TMLHE: variants seen among roughly 807,000 people sequenced by gnomAD.
TMLHE encodes the protein trimethyllysine dioxygenase, mitochondrial.
TMLHE carries 18 observed loss-of-function variants against 25.7 expected under a neutral mutation model. The ratio of observed to expected loss-of-function variants is 0.70; its 90% CI spans 0.48 to 1.04. TMLHE has a LOEUF of 1.04. TMLHE is among the 50% of genes least tolerant of loss of function. The pLI is 0.00. For synonymous variants in TMLHE, 105 were observed against 97.0 expected (o/e 1.08, Z -0.49); for missense variants, 236 against 259.0 (o/e 0.91, Z 0.61).
At chrX:155,534,248 G>T (rs2067265795) in intron 2 of TMLHE, among the ~76,000 whole-genome samples, 1 of 112,062 alleles carries the variant, frequency 8.9e-6, no homozygotes. Context: ...TCCCACCACA[G>T]GCCCAAGGGG....
chrX:155,569,414 G>T (rs12391554), intron 1 of TMLHE, among the ~76,000 whole-genome samples: 6,090 of 57,305 alleles, frequency 0.11, 1,682 homozygotes, highest in South Asian at 0.13. Context: ...ACATTCTGCA[G>T]GATATTATCC....
chrX:155,600,989 A>C (rs5940539), intron 1 of TMLHE, among the ~76,000 whole-genome samples: 60,589 of 110,580 alleles, frequency 0.55, 14,269 homozygotes, highest in Middle Eastern at 0.76. Context: ...CAACCAAAAA[A>C]ACTGAGTAAA....
chrX:155,594,089 A>G (rs1328150289), intron 1 of TMLHE, among the ~76,000 whole-genome samples: 2 of 112,010 alleles, frequency 1.8e-5, no homozygotes, highest in South Asian at 3.7e-4. Context: ...AAGGAAGCAT[A>G]CAGACCTGCA....
chrX:155,569,167 C>T (rs1603070429), intron 1 of TMLHE, among the ~76,000 whole-genome samples: 1 of 57,505 alleles, frequency 1.7e-5, no homozygotes, highest in South Asian at 9.8e-4. Context: ...AAAGCCAAGG[C>T]TCGAGAACTA....
intron 1 of TMLHE, among the ~76,000 whole-genome samples, chrX:155,546,592 T>G (rs5983720): frequency 1.4e-3 from 151 of 111,445 alleles, no homozygotes; most frequent in African/African-American, 4.8e-3. Context: ...CATGCTGATA[T>G]GGGATGAAAC....
intron 1 of TMLHE, among the ~76,000 whole-genome samples, chrX:155,610,914 C>A (rs2067815537): frequency 9.1e-6 from 1 of 110,357 alleles, no homozygotes; most frequent in Non-Finnish European, 1.9e-5. Context: ...GGATCAGCAT[C>A]CTGGCACAGA....
chrX:155,589,421 G>A (rs2067683225), intron 1 of TMLHE, among the ~76,000 whole-genome samples: 1 of 111,875 alleles, frequency 8.9e-6, no homozygotes, highest in African/African-American at 3.3e-5. Flanking sequence ...CTGCACTCCA[G>A]CCTGGGTGAC....
At position 155,603,245 on chromosome X, in the gene TMLHE, G is replaced by A. The variant is rs7881235; in HGVS notation, c.-2+9547C>T. On this transcript the variant is annotated intron_variant, in intron 1 of 7. Transcript: ENST00000334398. ...CTCAGGAGACTGAGGTGGGAGGATC[G>A]TTTGAGCCTGGGAGGTTGAGGATGC... 6.9e-3 allele frequency among the ~76,000 whole-genome samples: 769 copies of A among 111,173 alleles called. 6 individuals are homozygous for A. The highest frequency in any genetic ancestry group is 0.024 in the African/African-American group (730 of 30,540).
intron 1 of TMLHE, among the ~76,000 whole-genome samples, chrX:155,597,573 A>G (rs1294201310): frequency 8.9e-6 from 1 of 111,940 alleles, no homozygotes; most frequent in Non-Finnish European, 1.9e-5. Flanking sequence ...ACTATTCACA[A>G]TAGCAAGGAC....
At chrX:155,584,988 C>T (rs1289248771) in intron 1 of TMLHE, among the ~76,000 whole-genome samples, 1 of 111,350 alleles carries the variant, frequency 9.0e-6, no homozygotes, top group Non-Finnish European at 1.9e-5. Context: ...AGAGAATGGA[C>T]TCAAATGATA....
Position 155,568,535 on chromosome X carries a change from G to A in TMLHE, c.-1-23258C>T, listed in dbSNP as rs1222176146. On this transcript the variant is annotated intron_variant, in intron 1 of 7. Transcript: ENST00000334398. The stretch of plus-strand genomic sequence containing the variant: ...GAGAACAGGCAGACTGCCTCCTCAA[G>A]TGGGTCCCTGACCCCTGACCCCCGA... Among the ~76,000 whole-genome samples, 2 of 62,437 alleles carry A rather than the reference G, an allele frequency of 3.2e-5. 1 individual carries two copies. The highest frequency in any genetic ancestry group is 9.0e-5 in the Non-Finnish European group (2 of 22,251). The allele number at this position is 62,437 out of a possible 115,157, so 54.2% of individuals were successfully genotyped here. A position where few individuals can be genotyped will look rare whatever the true frequency, so the allele number is the denominator to read the frequency against.
intron 1 of TMLHE, among the ~76,000 whole-genome samples, chrX:155,573,830 T>G (rs2067572630): frequency 2.6e-5 from 1 of 39,189 alleles, no homozygotes; most frequent in Non-Finnish European, 4.3e-5. Context: ...CTGGGGACTG[T>G]TGTGGGGTGG....
rs12395420 is a variant in TMLHE, at chrX:155,569,178, C to T, written c.-1-23901G>A. Among the ~76,000 whole-genome samples, 164 of 55,615 alleles carry T rather than the reference C, an allele frequency of 2.9e-3. 23 individuals are homozygous for T. Among genetic ancestry groups the T allele is most frequent in the African/African-American group, 6.9e-3 (158 of 22,809 alleles). The allele number at this position is 55,615 out of a possible 115,157, so 48.3% of individuals were successfully genotyped here. A position where few individuals can be genotyped will look rare whatever the true frequency, so the allele number is the denominator to read the frequency against. On this transcript the variant is annotated intron_variant, in intron 1 of 7. Coordinates refer to ENST00000334398, the MANE Select transcript of TMLHE (RefSeq NM_018196.4). ...GCTGAAAGCCAAGGCTCGAGAACTA[C>T]GTGAAGAATGCAGAAGCCTCAGGAG... is the stretch of plus-strand genomic sequence containing the variant.
At position 155,543,615 on chromosome X, in the gene TMLHE, G is replaced by T. The variant is rs781932970; in HGVS notation, c.181+1481C>A. On this transcript the variant is annotated intron_variant, in intron 2 of 7. Coordinates refer to ENST00000334398, the MANE Select transcript of TMLHE (RefSeq NM_018196.4). ...TCTATACTATTCAAAGTGATCTACA[G>T]ATTCAATGCAGCTCCTGTCAAAATT... 7.1e-5 allele frequency among the ~76,000 whole-genome samples: 8 copies of T among 112,182 alleles called. No homozygotes were observed. In the South Asian group the frequency reaches 2.6e-3, roughly 36 times the overall value.
chrX:155,550,249 A>C (rs782541224), intron 1 of TMLHE, among the ~76,000 whole-genome samples: 3 of 110,665 alleles, frequency 2.7e-5, no homozygotes, highest in South Asian at 7.6e-4. Flanking sequence ...TTTTATTGTA[A>C]TATGCATATA....
intron 1 of TMLHE, among the ~76,000 whole-genome samples, chrX:155,545,645 G>A (rs868984645): frequency 1.8e-5 from 2 of 111,853 alleles, no homozygotes; most frequent in African/African-American, 6.5e-5. Context: ...TAATGGAGCC[G>A]AAAAATCCTA....
intron 1 of TMLHE, among the ~76,000 whole-genome samples, chrX:155,575,291 A>G (rs1036429118): frequency 1.8e-5 from 2 of 112,176 alleles, no homozygotes; most frequent in Non-Finnish European, 3.8e-5. Flanking sequence ...TAAAGACCTT[A>G]TCTTCAAATA....
chrX:155,605,554 TCATTAC>T (rs1188221687), intron 1 of TMLHE, among the ~76,000 whole-genome samples: 1 of 111,775 alleles, frequency 8.9e-6, no homozygotes, highest in Non-Finnish European at 1.9e-5. Flanking sequence ...CTAAGGGAAT[TCATTAC>T]CATCAGGCCT....
intron 6 of TMLHE, 88 bp downstream of exon 6, chrX:155,506,810 G>T: frequency 2.8e-6 from 2 of 722,202 alleles, no homozygotes; most frequent in Non-Finnish European, 4.3e-6. Context: ...AAATGTAGCA[G>T]ATATAAGAAT....
Sources: gnomAD v4.1 joint callset for allele counts (sites outside exome capture counted in the v4.1 genomes callset) on GRCh38, gnomAD v4.1.1 for gene constraint, MANE v1.5 for transcripts, NCBI Gene and HGNC (gene_info 2026-07-23, HGNC 2026-07-21) for gene names.